The following SLC4A7 variants were observed in gnomAD, a reference collection of about 807,000 sequenced individuals.
The protein encoded by SLC4A7 is solute carrier family 4 member 7.
SLC4A7 carries 51 observed loss-of-function variants against 137.6 expected under a neutral mutation model. The observed-to-expected ratio is 0.37, with a 90% confidence interval of 0.30 to 0.47. The LOEUF (loss-of-function observed/expected upper bound fraction) is 0.47. Among genes scored for constraint, SLC4A7 ranks in the 20% least tolerant of loss-of-function variants. SLC4A7 has a pLI of 1.00. For synonymous variants in SLC4A7, 542 were observed against 518.6 expected (o/e 1.05, Z -0.61); for missense variants, 1,247 against 1,525.4 (o/e 0.82, Z 3.04).
At chr3:27,433,883 T>C (rs771590179) in intron 6 of SLC4A7, 33 bp downstream of exon 6, 8 of 1,597,186 alleles carry the variant, frequency 5.0e-6, no homozygotes, top group Non-Finnish European at 6.9e-6. Flanking sequence ...AGTAGAAGTG[T>C]TAGCAAAAAT....
intron 1 of SLC4A7, among the ~76,000 whole-genome samples, chr3:27,463,963 T>C (rs746902482): frequency 2.0e-5 from 3 of 151,804 alleles, no homozygotes; most frequent in Non-Finnish European, 4.4e-5. Context: ...GGCGGGCTGA[T>C]TGCTTGAGCT....
Position 27,403,152 on chromosome 3 carries a change from G to A in SLC4A7, c.2308C>T (p.Leu770=), listed in dbSNP as rs1432865211. 6.2e-7 allele frequency: 1 copy of A among 1,608,280 alleles called. No homozygotes were observed. The highest frequency in any genetic ancestry group is 2.2e-5 in the East Asian group (1 of 44,788). Residue 770 remains leucine, a synonymous_variant, in exon 15 of 26, where the codon CTG becomes TTG. Coordinates refer to ENST00000454389, the MANE Select transcript of SLC4A7 (RefSeq NM_001321103.2). ...AGAAATACTTACGAGTAGCTGGTCAGTTTATCTAAGTTGTTGTGCATATTA... is the reference window on the plus strand; with the variant it reads ...AGAAATACTTACGAGTAGCTGGTCAATTTATCTAAGTTGTTGTGCATATTA... The part of the protein sequence containing the change: ...AFNMHNNLDK[L]TSYSCVCTEP...
At chr3:27,416,559 G>A (rs2054403072) in intron 11 of SLC4A7, among the ~76,000 whole-genome samples, 1 of 152,004 alleles carries the variant, frequency 6.6e-6, no homozygotes, top group Non-Finnish European at 1.5e-5. Context: ...GATATTTCTA[G>A]GCTATGAAGT....
intron 3 of SLC4A7, among the ~76,000 whole-genome samples, chr3:27,444,452 T>C (rs1395034050): frequency 6.6e-6 from 1 of 152,210 alleles, no homozygotes; most frequent in Non-Finnish European, 1.5e-5. Context: ...TTAGACTACA[T>C]GATATTGTCC....
intron 24 of SLC4A7, among the ~76,000 whole-genome samples, chr3:27,380,314 T>A (rs1243542257): frequency 7.3e-6 from 1 of 136,354 alleles, no homozygotes; most frequent in African/African-American, 2.8e-5. Context: ...CTCCAGAATT[T>A]AAAAAAAAAA....
intron 11 of SLC4A7, among the ~76,000 whole-genome samples, chr3:27,412,947 A>C (rs1228293016): frequency 1.3e-5 from 2 of 152,194 alleles, no homozygotes; most frequent in Non-Finnish European, 2.9e-5. Flanking sequence ...TCCTGGAAGA[A>C]AGTGAAAGGA....
intron 3 of SLC4A7, among the ~76,000 whole-genome samples, chr3:27,443,769 T>C (rs1056679698): frequency 2.0e-5 from 3 of 152,198 alleles, no homozygotes; most frequent in Non-Finnish European, 4.4e-5. Context: ...TTGGCAAAAA[T>C]CTGTCTTGGT....
intron 15 of SLC4A7, 23 bp downstream of exon 15, chr3:27,403,116 T>C (rs748404705): frequency 1.3e-6 from 2 of 1,579,852 alleles, no homozygotes; most frequent in Admixed American, 1.9e-5. Flanking sequence ...ATTTTAATAT[T>C]AGGAGAAAAG....
Position 27,404,818 on chromosome 3 carries a change from G to A in SLC4A7, c.2075+12C>T. The A allele has an allele frequency of 1.9e-6, 3 of 1,575,026 alleles. No homozygotes were observed. Among genetic ancestry groups the A allele is most frequent in the Non-Finnish European group, 2.6e-6 (3 of 1,153,916 alleles). ...ATAACACATGTGATAAGTAGAGAGG[G>A]CTATTACTTACCTGCAGAATTTATA... On this transcript the variant is annotated intron_variant, in intron 14 of 25. Coordinates refer to ENST00000454389, the MANE Select transcript of SLC4A7 (RefSeq NM_001321103.2).
chr3:27,391,784 C>T lies in SLC4A7; in HGVS notation c.3142G>A (p.Gly1048Ser), dbSNP rs371954465. Residue 1048 changes from glycine to serine, a missense_variant, in exon 21 of 26, where the codon GGT becomes AGT. This residue lies in a region of SLC4A7 where 290 missense variants were observed against 323.8 expected (regional missense o/e 0.90). Coordinates refer to ENST00000454389, the MANE Select transcript of SLC4A7 (RefSeq NM_001321103.2). ...GAAACTCCCATATAAAGGAAAACAC[C>T]ATACAGAACAGGCATTGGAATAAAC... The part of the protein sequence containing the change: ...LKFIPMPVLY[G>S]VFLYMGVSSL... The T allele has an allele frequency of 2.7e-5, 43 of 1,597,046 alleles. No individual in the cohort carries two copies. Among genetic ancestry groups the T allele is most frequent in the African/African-American group, 4.0e-5 (3 of 74,426 alleles).
intron 3 of SLC4A7, 69 bp from the exon 4 acceptor site, chr3:27,437,595 T>C: frequency 9.3e-7 from 1 of 1,078,246 alleles, no homozygotes; most frequent in African/African-American, 1.6e-5. Context: ...ATTCACAGTT[T>C]TGAAAATGAA....
chr3:27,466,066 C>T (rs2058978346), intron 1 of SLC4A7, among the ~76,000 whole-genome samples: 2 of 151,740 alleles, frequency 1.3e-5, no homozygotes, highest in South Asian at 4.2e-4. Context: ...ATTACTTTTT[C>T]TGTACAGGAA....
At chr3:27,416,979 G>A (rs2054451395) in intron 11 of SLC4A7, among the ~76,000 whole-genome samples, 1 of 152,114 alleles carries the variant, frequency 6.6e-6, no homozygotes, top group Admixed American at 6.5e-5. Flanking sequence ...ATAGAAAGCT[G>A]ATTTTAAAGC....
chr3:27,391,833 G>A lies in SLC4A7; in HGVS notation c.3118-25C>T. On this transcript the variant is annotated intron_variant, in intron 20 of 25. Coordinates refer to ENST00000454389, the MANE Select transcript of SLC4A7 (RefSeq NM_001321103.2). Reference sequence around the variant, plus strand: ...ACTGTAAATAAAATGAACACAATTAGAACTCATGAGTAGTAAGTAAACAAA... The same window carrying A: ...ACTGTAAATAAAATGAACACAATTAAAACTCATGAGTAGTAAGTAAACAAA... 4 of 1,362,230 alleles carry A rather than the reference G, an allele frequency of 2.9e-6. No homozygotes were observed. In the South Asian group the frequency reaches 5.0e-5, roughly 17 times the overall value. 84.4% of individuals were successfully genotyped at this position (1,362,230 alleles called of 1,614,324 possible). A position where few individuals can be genotyped will look rare whatever the true frequency, so the allele number is the denominator to read the frequency against.
chr3:27,422,379 C>T (rs1387240449), intron 8 of SLC4A7, among the ~76,000 whole-genome samples: 1 of 152,062 alleles, frequency 6.6e-6, no homozygotes, highest in Non-Finnish European at 1.5e-5. Context: ...GCAATCCTTG[C>T]ACCTTGGCCT....
chr3:27,451,470 C>G (rs1250319668), intron 2 of SLC4A7, among the ~76,000 whole-genome samples: 1 of 152,010 alleles, frequency 6.6e-6, no homozygotes, highest in Admixed American at 6.6e-5. Flanking sequence ...GTATGCTTCC[C>G]AAATAACCAT....
At chr3:27,383,298 A>C in intron 23 of SLC4A7, 48 bp from the exon 24 acceptor site, 5 of 1,316,706 alleles carry the variant, frequency 3.8e-6, no homozygotes, top group Non-Finnish European at 5.4e-6. Context: ...AATATTTTCC[A>C]AGAGAATTGA....
chr3:27,464,145 G>C (rs11719386), intron 1 of SLC4A7, among the ~76,000 whole-genome samples: 28,476 of 152,122 alleles, frequency 0.19, 3,029 homozygotes, highest in Non-Finnish European at 0.25. Flanking sequence ...CTGCACTCCA[G>C]CCTGGGAGCA....
intron 13 of SLC4A7, among the ~76,000 whole-genome samples, chr3:27,405,676 A>G (rs2053269991): frequency 6.6e-6 from 1 of 152,212 alleles, no homozygotes; most frequent in African/African-American, 2.4e-5. Flanking sequence ...TAAAGAGCAA[A>G]ACTTTCCACA....
Sources: allele counts gnomAD v4.1 joint callset (sites outside exome capture counted in the v4.1 genomes callset), GRCh38; gene constraint gnomAD v4.1.1; regional missense constraint gnomAD v4.1.1; transcripts MANE v1.5; gene names NCBI Gene and HGNC (gene_info 2026-07-23, HGNC 2026-07-21).